REXO5: variants seen among roughly 807,000 people sequenced by gnomAD.
The protein encoded by REXO5 is RNA exonuclease 5, also known as exonuclease NEF-sp.
A neutral mutation model predicts 88.5 loss-of-function variants in REXO5; 48 were observed. That is an observed-to-expected ratio of 0.54 (90% confidence interval 0.43 to 0.69). The LOEUF (loss-of-function observed/expected upper bound fraction) is 0.69. Ranked by LOEUF, REXO5 falls within the 30% of genes least tolerant of loss-of-function variation. The pLI, the probability that REXO5 is intolerant of heterozygous loss-of-function variation, is 0.00. For synonymous variants in REXO5, 311 were observed against 336.5 expected, an observed-to-expected ratio of 0.92 and a Z score of 0.83; for missense variants, 749 against 912.2, an observed-to-expected ratio of 0.82 and a Z score of 2.30.
chr16:20,840,730 G>A (rs754310219), intron 15 of REXO5, among the ~76,000 whole-genome samples: 3 of 152,144 alleles, frequency 2.0e-5, no homozygotes, highest in Non-Finnish European at 4.4e-5. Context: ...CACTTTGGGA[G>A]TTTGAGGAGG....
chr16:20,826,941 A>G, intron 8 of REXO5, 117 bp from the exon 9 acceptor site: 1 of 956,452 alleles, frequency 1.0e-6, no homozygotes, highest in Non-Finnish European at 1.5e-6. Flanking sequence ...GTCACTTTGG[A>G]CACTAAGCAT....
intron 8 of REXO5, 30 bp downstream of exon 8, chr16:20,825,978 A>G: frequency 1.4e-6 from 2 of 1,438,216 alleles, no homozygotes; most frequent in Non-Finnish European, 2.0e-6. Context: ...CAGCTCTTCT[A>G]AGAGCTATCG....
chr16:20,807,154 A>T, intron 2 of REXO5, 63 bp downstream of exon 2: 1 of 1,535,106 alleles, frequency 6.5e-7, no homozygotes, highest in Non-Finnish European at 8.8e-7. Context: ...ACCCTCGCCC[A>T]ACCGCCGTCG....
intron 14 of REXO5, 33 bp downstream of exon 14, chr16:20,839,892 T>C (rs573546726): frequency 8.9e-6 from 12 of 1,343,730 alleles, no homozygotes; most frequent in East Asian, 6.9e-5. Flanking sequence ...ATGATTTATT[T>C]AGTGACTTAT....
chr16:20,817,797 T>C (rs923194615), intron 5 of REXO5, among the ~76,000 whole-genome samples: 2 of 152,238 alleles, frequency 1.3e-5, no homozygotes, highest in East Asian at 3.8e-4. Context: ...CAAGTTTACC[T>C]ATTAGTTTTC....
chr16:20,829,499 C>T (rs1371702576), intron 11 of REXO5, among the ~76,000 whole-genome samples: 2 of 152,068 alleles, frequency 1.3e-5, no homozygotes, highest in African/African-American at 4.8e-5. Context: ...TAGTACATTC[C>T]ATCATGACTC....
chr16:20,825,988 G>C, intron 8 of REXO5, 40 bp downstream of exon 8: 1 of 1,307,042 alleles, frequency 7.7e-7, no homozygotes, highest in Non-Finnish European at 1.1e-6. Context: ...AAGAGCTATC[G>C]GGCTAGAATG....
At position 20,827,210 on chromosome 16, in the gene REXO5, T is replaced by G. The variant is rs1297982572; in HGVS notation, c.960+14T>G. ...AGAGCACTGAAAGTGAGTATCTGAT[T>G]TAGGACTTTGCATTTTCAGTATAAA... On this transcript the variant is annotated intron_variant, in intron 9 of 19. Transcript: ENST00000261377. 2 of 1,614,042 alleles carry G rather than the reference T, an allele frequency of 1.2e-6. No homozygotes were observed. Among genetic ancestry groups the G allele is most frequent in the South Asian group, 2.2e-5 (2 of 91,056 alleles).
intron 16 of REXO5, among the ~76,000 whole-genome samples, 183 bp from the exon 17 acceptor site, chr16:20,844,446 A>G (rs2081576315): frequency 6.6e-6 from 1 of 152,248 alleles, no homozygotes; most frequent in Non-Finnish European, 1.5e-5. Context: ...TTTATCAATT[A>G]AGTCTCTAAC....
chr16:20,827,265 T>A (rs960708693), intron 9 of REXO5, 69 bp downstream of exon 9: 2 of 1,607,132 alleles, frequency 1.2e-6, no homozygotes, highest in Admixed American at 1.7e-5. Flanking sequence ...AAATCTAAAG[T>A]CTTGGGCTCT....
chr16:20,832,738 C>A (rs1006257300), intron 12 of REXO5, among the ~76,000 whole-genome samples: 5 of 152,092 alleles, frequency 3.3e-5, no homozygotes, highest in Admixed American at 3.3e-4. Flanking sequence ...CTTGTTTATC[C>A]TTCCTCTCTC....
In REXO5 at chr16:20,849,373, A is replaced by G. The variant is rs373743786; in HGVS notation, c.2244-26A>G. On this transcript the variant is annotated intron_variant, in intron 19 of 19. Transcript: ENST00000261377. The stretch of plus-strand genomic sequence containing the variant: ...TTCATTCAACCTTATGGATAAAAAC[A>G]TACCTTTGTTTCTTATTTATTGCAG... The G allele has an allele frequency of 2.0e-5, 32 of 1,596,510 alleles. No homozygotes were observed. In the African/African-American group the frequency reaches 3.6e-4, roughly 18 times the overall value.
chr16:20,847,216 A>T (rs1317271742), intron 19 of REXO5, among the ~76,000 whole-genome samples: 1 of 151,364 alleles, frequency 6.6e-6, no homozygotes, highest in East Asian at 1.9e-4. Context: ...TCAAGACCAG[A>T]CTAGGCAACA....
In REXO5 at chr16:20,849,513, TAC is replaced by T; in HGVS notation, c.*34_*35del. 1 of 1,600,770 alleles carries T rather than the reference TAC, an allele frequency of 6.2e-7. No homozygotes were observed. Among genetic ancestry groups the T allele is most frequent in the Middle Eastern group, 1.7e-4 (1 of 6,034 alleles). ...TGCCATGTTTCCATGTGCCATTTCT[TAC>T]CCCTTGTAGGCAATGGCAAAGAATG... On this transcript the variant is annotated 3_prime_UTR_variant, in exon 20 of 20. Transcript: ENST00000261377.
In REXO5 at chr16:20,807,829, C is replaced by T. The variant is rs189782294; in HGVS notation, c.138+738C>T. Among the ~76,000 whole-genome samples the T allele has an allele frequency of 4.6e-3, 696 of 152,058 alleles. 6 individuals are homozygous for T. Among genetic ancestry groups the T allele is most frequent in the African/African-American group, 0.016 (645 of 41,480 alleles). ...TATCCTGGGGCACAAAAATACAATT[C>T]CTTGCCCTCGTGCAGTTTACATTCC... is the stretch of plus-strand genomic sequence containing the variant. On this transcript the variant is annotated intron_variant, in intron 2 of 19. Coordinates refer to ENST00000261377, the MANE Select transcript of REXO5 (RefSeq NM_030941.3).
rs769190076 is a variant in REXO5, at chr16:20,849,461, G to A, written c.2306G>A (p.Gly769Asp). ...ATAAAAGAGGAAGAAGAAAGCGCTGGCCCAGGCCTGTGTTCGTGAGTCGGC... is the reference window on the plus strand; with the variant it reads ...ATAAAAGAGGAAGAAGAAAGCGCTGACCCAGGCCTGTGTTCGTGAGTCGGC... ...MGIKEEEESA[G>D]PGLCS Residue 769 changes from glycine (G) to aspartate (D), a missense_variant, in exon 20 of 20, where the codon GGC (glycine) becomes GAC (aspartate). Gly to Asp is a moderately conservative substitution (Grantham distance 94, BLOSUM62 -1). Transcript: ENST00000261377. 3.1e-6 allele frequency: 5 copies of A among 1,614,056 alleles called. No homozygotes were observed. In the Admixed American group the frequency reaches 8.3e-5, roughly 27 times the overall value.
intron 13 of REXO5, among the ~76,000 whole-genome samples, chr16:20,837,654 A>C (rs1461289944): frequency 2.0e-5 from 3 of 151,598 alleles, no homozygotes; most frequent in Admixed American, 2.0e-4. Context: ...CTAATATTCA[A>C]TTCAGTTTAG....
intron 13 of REXO5, among the ~76,000 whole-genome samples, chr16:20,835,595 C>T (rs1315410096): frequency 6.6e-6 from 1 of 151,758 alleles, no homozygotes; most frequent in East Asian, 1.9e-4. Flanking sequence ...TTAAGGATCA[C>T]TGTCCTTCAT....
rs759242145 is a variant in REXO5 at position 20,843,964 on chromosome 16, G to C, written c.1657G>C (p.Glu553Gln). 2 of 1,608,164 alleles carry C rather than the reference G, an allele frequency of 1.2e-6. No homozygotes were observed. The highest frequency in any genetic ancestry group is 2.2e-5 in the East Asian group (1 of 44,860). ...TCTCTGTATACAGTATGAAGTCCTA[G>C]AAGCTGCCCAGCTGGCCATAGAATC... is the stretch of plus-strand genomic sequence containing the variant. Reference protein sequence around the residue: ...PHLCIQYEVLEAAQLAIESLD... With the variant: ...PHLCIQYEVLQAAQLAIESLD... Residue 553 changes from glutamate (E) to glutamine (Q), a missense_variant, in exon 16 of 20, where the codon GAA (glutamate) becomes CAA (glutamine). By Grantham distance (29) the Glu-to-Gln change is conservative (BLOSUM62 2). Transcript: ENST00000261377.
Sources: allele counts gnomAD v4.1 joint callset (sites outside exome capture counted in the v4.1 genomes callset), GRCh38; gene constraint gnomAD v4.1.1; transcripts MANE v1.5; gene names NCBI Gene and HGNC (gene_info 2026-07-23, HGNC 2026-07-21).